The following ALDH9A1 variants were observed in gnomAD, a reference collection of about 807,000 sequenced individuals.
ALDH9A1 encodes aldehyde dehydrogenase 9 family member A1.
In ALDH9A1, 42 loss-of-function variants were observed where a neutral mutation model predicts 56.6. The observed-to-expected ratio is 0.74, with a 90% confidence interval of 0.58 to 0.96. The LOEUF (loss-of-function observed/expected upper bound fraction) is 0.96. Among genes scored for constraint, ALDH9A1 ranks in the 40% least tolerant of loss-of-function variants. ALDH9A1 has a pLI of 0.00. For synonymous variants in ALDH9A1, 242 were observed against 236.0 expected (o/e 1.03, Z -0.23); for missense variants, 661 against 651.5 (o/e 1.01, Z -0.16).
intron 6 of ALDH9A1, among the ~76,000 whole-genome samples, chr1:165,674,108 A>C (rs1408204665): frequency 2.0e-5 from 3 of 151,998 alleles, no homozygotes; most frequent in African/African-American, 7.2e-5. Flanking sequence ...AGACATACCC[A>C]TCAGCACCAT....
At position 165,678,283 on chromosome 1, in the gene ALDH9A1, G is replaced by A. The variant is rs536402683; in HGVS notation, c.930+1159C>T. On this transcript the variant is annotated intron_variant, in intron 6 of 10. Transcript: ENST00000354775. ...TGGGAGGCAGAGGATGCAGTGAGCC[G>A]AGATCGTGCCACTGCACTACCGTCT... 1.6e-3 allele frequency among the ~76,000 whole-genome samples: 241 copies of A among 152,284 alleles called. 1 individual carries two copies. Among genetic ancestry groups the A allele is most frequent in the African/African-American group, 5.6e-3 (232 of 41,566 alleles).
At position 165,698,400 on chromosome 1, in the gene ALDH9A1, C is replaced by G. The variant is rs767092350; in HGVS notation, c.159G>C (p.Glu53Asp). Residue 53 changes from glutamate to aspartate, a missense_variant, in exon 1 of 11, where the codon GAG becomes GAC. Coordinates refer to ENST00000354775, the MANE Select transcript of ALDH9A1 (RefSeq NM_000696.4). ...TACCGGTTGCTGGCTCGAAAGCTTT[C>G]TCGGTACCGGAGGCGTCCGCCGGCT... ...RVEPADASGT[E>D]KAFEPATGRV... is the part of the protein sequence containing the mutation. 6.3e-7 allele frequency: 1 copy of G among 1,597,240 alleles called. No individual in the cohort carries two copies. Among genetic ancestry groups the G allele is most frequent in the Non-Finnish European group, 8.5e-7 (1 of 1,173,164 alleles).
At chr1:165,675,974 T>C (rs1333794035) in intron 6 of ALDH9A1, among the ~76,000 whole-genome samples, 1 of 152,198 alleles carries the variant, frequency 6.6e-6, no homozygotes, top group Non-Finnish European at 1.5e-5. Flanking sequence ...TAGATAAACA[T>C]TGTGGATAAT....
chr1:165,675,131 G>A (rs1415395227), intron 6 of ALDH9A1, among the ~76,000 whole-genome samples: 1 of 152,056 alleles, frequency 6.6e-6, no homozygotes, highest in African/African-American at 2.4e-5. Flanking sequence ...AGGGGCGAAG[G>A]TTGCAGTGAA....
In ALDH9A1 at chr1:165,679,633, A is replaced by C. The variant is rs746263944; in HGVS notation, c.790-51T>G. ...AGAACTTTAACACAAATTATATTGC[A>C]TGCTAAGTCAACTAGGCCCTGAACC... On this transcript the variant is annotated intron_variant, in intron 5 of 10. Coordinates refer to ENST00000354775, the MANE Select transcript of ALDH9A1 (RefSeq NM_000696.4). The C allele has an allele frequency of 1.9e-6, 3 of 1,601,360 alleles. No individual in the cohort carries two copies. In the Admixed American group the frequency reaches 5.0e-5, roughly 27 times the overall value.
chr1:165,698,200 C>T, intron 1 of ALDH9A1, 178 bp downstream of exon 1: 2 of 1,366,914 alleles, frequency 1.5e-6, no homozygotes, highest in South Asian at 1.9e-5. Context: ...CCATCCCTGC[C>T]CGGAGGCACT....
intron 6 of ALDH9A1, among the ~76,000 whole-genome samples, chr1:165,679,142 C>G (rs1473086403): frequency 6.6e-6 from 1 of 152,144 alleles, no homozygotes; most frequent in Non-Finnish European, 1.5e-5. Flanking sequence ...AAAGAATGCA[C>G]TTGTTTTTAG....
At chr1:165,675,512 C>G (rs1190281254) in intron 6 of ALDH9A1, among the ~76,000 whole-genome samples, 3 of 152,074 alleles carry the variant, frequency 2.0e-5, no homozygotes, top group Non-Finnish European at 4.4e-5. Context: ...AGAAACAAAT[C>G]AGACTGGCTA....
chr1:165,695,513 T>TTTC (rs1650052257), intron 1 of ALDH9A1, 116 bp from the exon 2 acceptor site: 1 of 735,092 alleles, frequency 1.4e-6, no homozygotes, highest in African/African-American at 2.6e-5. Context: ...TTTTTTTTCT[T>TTTC]GAGATGGAGT....
At chr1:165,694,070 G>A (rs1238827516) in intron 2 of ALDH9A1, among the ~76,000 whole-genome samples, 1 of 151,304 alleles carries the variant, frequency 6.6e-6, no homozygotes, top group South Asian at 2.1e-4. Flanking sequence ...GTAGGGGGTG[G>A]GGGGCTGGGG....
rs1558015645 is a variant in ALDH9A1, at chr1:165,698,558, T to TA, written c.-1_1insT. On this transcript the variant is annotated 5_prime_UTR_variant, in exon 1 of 11. Transcript: ENST00000354775. ...GCGGCCAGGCCTGCTCGGAGAAACA[T>TA]GAGTGGCGGACGCAGCTCCGCGGCA... 1 of 1,600,106 alleles carries TA rather than the reference T, an allele frequency of 6.2e-7. No individual in the cohort carries two copies.
chr1:165,681,559 C>T (rs1472024740), intron 4 of ALDH9A1, among the ~76,000 whole-genome samples: 2 of 152,208 alleles, frequency 1.3e-5, no homozygotes, highest in Admixed American at 6.5e-5. Flanking sequence ...TCTAACATTA[C>T]AATTTTTTCT....
chr1:165,682,870 C>A, intron 3 of ALDH9A1, 111 bp downstream of exon 3: 1 of 1,301,968 alleles, frequency 7.7e-7, no homozygotes, highest in Non-Finnish European at 1.0e-6. Flanking sequence ...AGTGACAAAC[C>A]CAAGACTTTC....
At chr1:165,682,272 C>G (rs772684487) in intron 3 of ALDH9A1, 31 bp from the exon 4 acceptor site, 5 of 1,606,348 alleles carry the variant, frequency 3.1e-6, no homozygotes, top group Non-Finnish European at 4.3e-6. Flanking sequence ...AAGGAGGATG[C>G]AGGTCTGTGC....
chr1:165,682,778 T>A, intron 3 of ALDH9A1: 2 of 575,248 alleles, frequency 3.5e-6, no homozygotes, highest in Non-Finnish European at 5.9e-6. Context: ...TCTCATTTAA[T>A]CCTTAACCCA....
chr1:165,689,170 A>G (rs900790678), intron 2 of ALDH9A1, among the ~76,000 whole-genome samples: 1 of 152,216 alleles, frequency 6.6e-6, no homozygotes, highest in Non-Finnish European at 1.5e-5. Flanking sequence ...TCGAATTAAA[A>G]ATAAATTTTT....
At chr1:165,672,960 A>G (rs1287222495) in intron 6 of ALDH9A1, among the ~76,000 whole-genome samples, 1 of 124,762 alleles carries the variant, frequency 8.0e-6, no homozygotes, top group Non-Finnish European at 1.6e-5. Context: ...AATAAAAAAT[A>G]AAAAAAATAC....
intron 1 of ALDH9A1, among the ~76,000 whole-genome samples, chr1:165,697,198 C>T (rs574651064): frequency 6.6e-6 from 1 of 152,356 alleles, no homozygotes; most frequent in South Asian, 2.1e-4. Flanking sequence ...CAGTGCTTAG[C>T]ACACATTAAG....
At chr1:165,666,373 G>A (rs1464151211) in intron 9 of ALDH9A1, among the ~76,000 whole-genome samples, 1 of 152,138 alleles carries the variant, frequency 6.6e-6, no homozygotes, top group African/African-American at 2.4e-5. Context: ...CCACTGAATT[G>A]TACACTTTAA....
Sources: allele counts gnomAD v4.1 joint callset (sites outside exome capture counted in the v4.1 genomes callset), GRCh38; gene constraint gnomAD v4.1.1; transcripts MANE v1.5; gene names NCBI Gene and HGNC (gene_info 2026-07-23, HGNC 2026-07-21).